TNIK: variants seen among roughly 807,000 people sequenced by gnomAD.
The protein encoded by TNIK is TRAF2 and NCK interacting kinase.
Under a neutral mutation model 191.3 loss-of-function variants are expected in TNIK, and 49 were observed. The ratio of observed to expected loss-of-function variants is 0.26; its 90% CI spans 0.20 to 0.32. The LOEUF (loss-of-function observed/expected upper bound fraction) is 0.32. Ranked by LOEUF, TNIK falls within the 10% of genes least tolerant of loss-of-function variation. The pLI is 1.00. For synonymous variants in TNIK, 594 were observed against 600.9 expected (o/e 0.99, Z 0.17); for missense variants, 1,155 against 1,702.3 (o/e 0.68, Z 5.66).
intron 1 of TNIK, among the ~76,000 whole-genome samples, chr3:171,419,480 A>G (rs1723490185): frequency 6.6e-6 from 1 of 152,244 alleles, no homozygotes; most frequent in South Asian, 2.1e-4. Context: ...AATACTTCAA[A>G]TGGGTGAATT....
intron 9 of TNIK, among the ~76,000 whole-genome samples, chr3:171,172,164 G>C (rs1336811025): frequency 2.0e-5 from 3 of 152,162 alleles, no homozygotes; most frequent in Non-Finnish European, 4.4e-5. Context: ...CACACTAAGA[G>C]ACCAGTTTAT....
chr3:171,094,680 A>G (rs1010620241), intron 22 of TNIK, among the ~76,000 whole-genome samples: 10 of 152,064 alleles, frequency 6.6e-5, no homozygotes, highest in Admixed American at 6.6e-5. Flanking sequence ...CTGCCTGGAA[A>G]GTTCTTTCCA....
At chr3:171,168,391 T>G (rs1470670597) in intron 9 of TNIK, among the ~76,000 whole-genome samples, 1 of 152,110 alleles carries the variant, frequency 6.6e-6, no homozygotes, top group Non-Finnish European at 1.5e-5. Context: ...ACTGAGCCTT[T>G]GCCCGGCAGT....
At chr3:171,248,241 G>T (rs1745832665) in intron 2 of TNIK, among the ~76,000 whole-genome samples, 1 of 152,174 alleles carries the variant, frequency 6.6e-6, no homozygotes, top group South Asian at 2.1e-4. Context: ...AACAATGAAG[G>T]CAGGGGCAGC....
At chr3:171,173,880 G>T (rs971921837) in intron 9 of TNIK, among the ~76,000 whole-genome samples, 6 of 152,134 alleles carry the variant, frequency 3.9e-5, no homozygotes, top group African/African-American at 1.4e-4. Context: ...GAAGAGAACT[G>T]CGCCAGTCCC....
Position 171,296,806 on chromosome 3 carries a change from C to T in TNIK, c.124-68585G>A, listed in dbSNP as rs138656205. ...TTAAATGACACTTTTATCTAGAACA[C>T]AAGTAATTCCCCAAGGCTTTCCCTC... On this transcript the variant is annotated intron_variant, in intron 2 of 32. Coordinates refer to ENST00000436636, the MANE Select transcript of TNIK (RefSeq NM_015028.4). 1.7e-3 allele frequency among the ~76,000 whole-genome samples: 263 copies of T among 152,298 alleles called. 3 individuals carry two copies. The highest frequency in any genetic ancestry group is 6.0e-3 in the African/African-American group (249 of 41,574).
chr3:171,088,667 C>T (rs1178280459), intron 23 of TNIK, among the ~76,000 whole-genome samples: 8 of 152,192 alleles, frequency 5.3e-5, no homozygotes, highest in African/African-American at 1.9e-4. Flanking sequence ...GTTTGGAAGC[C>T]ATTGCTCTGG....
intron 2 of TNIK, among the ~76,000 whole-genome samples, chr3:171,302,593 T>C (rs529345281): frequency 6.6e-6 from 1 of 152,312 alleles, no homozygotes; most frequent in South Asian, 2.1e-4. Context: ...AAATTTTCTT[T>C]TGAATTATGA....
chr3:171,131,313 G>A (rs1482036883), intron 15 of TNIK, among the ~76,000 whole-genome samples: 2 of 126,930 alleles, frequency 1.6e-5, no homozygotes, highest in Non-Finnish European at 3.1e-5. Flanking sequence ...ACTCCAGCCT[G>A]GGCGACAGAG....
chr3:171,262,184 T>C (rs1205253495), intron 2 of TNIK, among the ~76,000 whole-genome samples: 1 of 152,124 alleles, frequency 6.6e-6, no homozygotes, highest in Non-Finnish European at 1.5e-5. Flanking sequence ...CTTCCCTTCG[T>C]TTTGTTTAGA....
intron 2 of TNIK, among the ~76,000 whole-genome samples, chr3:171,231,891 A>C (rs1577193667): frequency 6.6e-6 from 1 of 152,220 alleles, no homozygotes; most frequent in African/African-American, 2.4e-5. Context: ...TTTCTCCTCC[A>C]TCCCACTTCT....
intron 21 of TNIK, 155 bp from the exon 22 acceptor site, chr3:171,101,788 T>G: frequency 1.4e-6 from 1 of 702,792 alleles, no homozygotes. Context: ...AAGAAAATGA[T>G]GTTTGTAGCG....
intron 1 of TNIK, among the ~76,000 whole-genome samples, chr3:171,374,081 G>A (rs867015229): frequency 6.6e-6 from 1 of 152,164 alleles, no homozygotes; most frequent in African/African-American, 2.4e-5. Flanking sequence ...ACTGAATAAG[G>A]TTGATGTCCC....
At chr3:171,288,059 A>G (rs1308171956) in intron 2 of TNIK, among the ~76,000 whole-genome samples, 2 of 150,192 alleles carry the variant, frequency 1.3e-5, no homozygotes, top group African/African-American at 4.9e-5. Context: ...TCAGTAAACT[A>G]TTGCAAGAAC....
chr3:171,113,293 T>A (rs1455694081), intron 18 of TNIK, among the ~76,000 whole-genome samples: 4 of 152,122 alleles, frequency 2.6e-5, no homozygotes, highest in African/African-American at 9.7e-5. Flanking sequence ...GGGTAGACGA[T>A]TTTTGGATAA....
At chr3:171,291,670 T>C (rs74562654) in intron 2 of TNIK, among the ~76,000 whole-genome samples, 3,185 of 152,288 alleles carry the variant, frequency 0.021, 113 homozygotes, top group African/African-American at 0.073. Flanking sequence ...TTCAAGATTT[T>C]CTCTTTAATT....
At chr3:171,256,972 G>A (rs978053610) in intron 2 of TNIK, among the ~76,000 whole-genome samples, 3 of 152,150 alleles carry the variant, frequency 2.0e-5, no homozygotes, top group African/African-American at 7.2e-5. Flanking sequence ...CCCTAGGTCT[G>A]AACATCCTTT....
At chr3:171,318,767 C>T (rs899659144) in intron 2 of TNIK, among the ~76,000 whole-genome samples, 1 of 152,110 alleles carries the variant, frequency 6.6e-6, no homozygotes, top group Admixed American at 6.6e-5. Flanking sequence ...TTAGTTTAAG[C>T]ACTAATGAAA....
At chr3:171,111,573 T>C (rs922761618) in intron 18 of TNIK, among the ~76,000 whole-genome samples, 7 of 152,054 alleles carry the variant, frequency 4.6e-5, no homozygotes, top group African/African-American at 1.7e-4. Context: ...GAATGTAAAA[T>C]AGTACAGCCA....
Sources: gnomAD v4.1 joint callset for allele counts (sites outside exome capture counted in the v4.1 genomes callset) on GRCh38, gnomAD v4.1.1 for gene constraint, MANE v1.5 for transcripts, NCBI Gene and HGNC (gene_info 2026-07-23, HGNC 2026-07-21) for gene names.